NRG1: variants seen among roughly 807,000 people sequenced by gnomAD.
The protein encoded by NRG1 is neuregulin 1.
A neutral mutation model predicts 63.8 loss-of-function variants in NRG1; 18 were observed. The observed-to-expected ratio is 0.28, with a 90% CI of 0.19 to 0.42. NRG1 has a LOEUF of 0.42. Ranked by LOEUF, NRG1 falls within the 10% of genes least tolerant of loss-of-function variation. NRG1 has a pLI of 1.00. For missense variants in NRG1, 762 were observed against 814.7 expected (o/e 0.94, Z 0.79); for synonymous variants, 302 against 301.3 (o/e 1.00, Z -0.02).
intron 1 of NRG1, among the ~76,000 whole-genome samples, chr8:32,102,867 T>G (rs1830750928): frequency 1.3e-5 from 2 of 152,166 alleles, no homozygotes; most frequent in Non-Finnish European, 2.9e-5. Context: ...TACAATGTCT[T>G]GGTGGCTTTC....
At chr8:32,469,891 T>A (rs1823567742) in intron 1 of NRG1, among the ~76,000 whole-genome samples, 1 of 152,230 alleles carries the variant, frequency 6.6e-6, no homozygotes. Flanking sequence ...GGAGTCTTGC[T>A]CTGTCGCCCA....
intron 1 of NRG1, among the ~76,000 whole-genome samples, chr8:32,532,401 C>T (rs1314309602): frequency 2.0e-5 from 3 of 152,074 alleles, no homozygotes; most frequent in African/African-American, 7.2e-5. Context: ...ATTCAAAGTA[C>T]CTATGACTTC....
chr8:32,522,612 C>T (rs563988208), intron 1 of NRG1, among the ~76,000 whole-genome samples: 1 of 152,296 alleles, frequency 6.6e-6, no homozygotes, highest in South Asian at 2.1e-4. Context: ...TTCATCCTGA[C>T]ATTTCTGCCC....
chr8:32,599,180 G>A (rs956661862), intron 2 of NRG1, among the ~76,000 whole-genome samples: 2 of 151,988 alleles, frequency 1.3e-5, no homozygotes, highest in Non-Finnish European at 2.9e-5. Flanking sequence ...TACTATTAAT[G>A]ATTTTTAATT....
intron 1 of NRG1, among the ~76,000 whole-genome samples, chr8:32,560,135 T>C (rs1836098960): frequency 6.6e-6 from 1 of 152,162 alleles, no homozygotes; most frequent in African/African-American, 2.4e-5. Flanking sequence ...TTCTACATTC[T>C]ATCACCTTAT....
rs148361278 is a variant in NRG1, at chr8:32,457,906, C to T, written c.38-137922C>T. Among the ~76,000 whole-genome samples, 984 of 146,144 alleles carry T rather than the reference C, an allele frequency of 6.7e-3. 4 individuals are homozygous for T. Among genetic ancestry groups the T allele is most frequent in the Non-Finnish European group, 0.011 (723 of 66,032 alleles). ...CCACAGAAGGTTTTGGTCTTCAGCACGTAAAGCAACTTTTTTTTTTTTGTT... is the reference window on the plus strand; with the variant it reads ...CCACAGAAGGTTTTGGTCTTCAGCATGTAAAGCAACTTTTTTTTTTTTGTT... On this transcript the variant is annotated intron_variant, in intron 1 of 10. Coordinates refer to the NRG1 transcript ENST00000519301.
chr8:32,453,706 C>T (rs1451340999), intron 1 of NRG1, among the ~76,000 whole-genome samples: 5 of 152,120 alleles, frequency 3.3e-5, no homozygotes, highest in African/African-American at 7.2e-5. Context: ...TTTGTGATTT[C>T]GAGCATCGTT....
At chr8:31,722,228 G>C (rs996667840) in intron 1 of NRG1, among the ~76,000 whole-genome samples, 3 of 151,944 alleles carry the variant, frequency 2.0e-5, no homozygotes, top group African/African-American at 4.8e-5. Flanking sequence ...CCTATATCAT[G>C]GTATACTACT....
intron 1 of NRG1, among the ~76,000 whole-genome samples, chr8:32,332,875 A>G (rs1232538631): frequency 6.6e-6 from 1 of 152,196 alleles, no homozygotes; most frequent in Non-Finnish European, 1.5e-5. Context: ...TTGCTTTTTA[A>G]TGATTTAAAT....
chr8:32,428,525 A>G (rs16879366), intron 1 of NRG1, among the ~76,000 whole-genome samples: 18,377 of 152,178 alleles, frequency 0.12, 1,363 homozygotes, highest in Admixed American at 0.24. Context: ...TTGCTGCTAT[A>G]GAACTCCAGG....
intron 1 of NRG1, among the ~76,000 whole-genome samples, chr8:32,192,646 T>C (rs1291545421): frequency 1.5e-4 from 23 of 152,206 alleles, no homozygotes; most frequent in Non-Finnish European, 1.2e-4. Context: ...GCTCGGTAGT[T>C]GGGTAATGGG....
chr8:31,947,861 A>G (rs536459874), intron 1 of NRG1, among the ~76,000 whole-genome samples: 63 of 145,288 alleles, frequency 4.3e-4, no homozygotes, highest in Non-Finnish European at 8.8e-4. Flanking sequence ...CAGGAGAATC[A>G]CTTGAGCCCA....
At chr8:32,385,712 C>A (rs73586302) in intron 1 of NRG1, among the ~76,000 whole-genome samples, 22,211 of 152,030 alleles carry the variant, frequency 0.15, 1,660 homozygotes, top group South Asian at 0.19. Context: ...CCCCTATGAT[C>A]CATCACCTCC....
intron 1 of NRG1, among the ~76,000 whole-genome samples, chr8:31,752,672 T>G (rs2131466515): frequency 6.6e-6 from 1 of 152,058 alleles, no homozygotes; most frequent in Non-Finnish European, 1.5e-5. Flanking sequence ...TCAAGGATAA[T>G]TTCATGGTTT....
chr8:32,094,805 C>T (rs1334774502), intron 1 of NRG1, among the ~76,000 whole-genome samples: 4 of 150,140 alleles, frequency 2.7e-5, no homozygotes, highest in Non-Finnish European at 4.4e-5. Flanking sequence ...TTTAATAAAT[C>T]GTTTCTGGCA....
chr8:32,174,964 C>T (rs1356542822), intron 1 of NRG1, among the ~76,000 whole-genome samples: 5 of 152,144 alleles, frequency 3.3e-5, no homozygotes, highest in Admixed American at 6.5e-5. Context: ...AGAGGAAATC[C>T]TCCCTAACTC....
At chr8:32,319,255 C>T (rs954364936) in intron 1 of NRG1, among the ~76,000 whole-genome samples, 3 of 152,098 alleles carry the variant, frequency 2.0e-5, no homozygotes, top group African/African-American at 7.2e-5. Context: ...GAAACAGGAC[C>T]CATCACAGCT....
chr8:31,909,638 C>A lies in NRG1; in HGVS notation c.37+270207C>A, dbSNP rs867585179. Among the ~76,000 whole-genome samples the A allele has an allele frequency of 4.6e-5, 7 of 152,160 alleles. No individual in the cohort carries two copies. The South Asian group carries it at 1.4e-3, about 31-fold the overall frequency. ...TGTGTCTGTGCTGTGTCATATGCCT[C>A]CTCTTTACATATGACTGTGGGAGGG... On this transcript the variant is annotated intron_variant, in intron 1 of 10. Coordinates refer to the NRG1 transcript ENST00000519301.
At chr8:32,601,213 A>G (rs1289997865) in intron 2 of NRG1, among the ~76,000 whole-genome samples, 2 of 152,120 alleles carry the variant, frequency 1.3e-5, no homozygotes, top group Non-Finnish European at 2.9e-5. Flanking sequence ...GAATTGCAAA[A>G]AGGATTACCA....
Sources: gnomAD v4.1 joint callset for allele counts (sites outside exome capture counted in the v4.1 genomes callset) on GRCh38, gnomAD v4.1.1 for gene constraint, MANE v1.5 for transcripts, NCBI Gene and HGNC (gene_info 2026-07-23, HGNC 2026-07-21) for gene names.